The following CTNNA3 variants were observed in gnomAD, a reference collection of about 807,000 sequenced individuals.
CTNNA3 encodes catenin alpha-3.
In CTNNA3, 76 loss-of-function variants were observed where a neutral mutation model predicts 95.7. That is an observed-to-expected ratio of 0.79 (90% CI 0.66 to 0.96). The LOEUF (loss-of-function observed/expected upper bound fraction) is 0.96, where lower values mean the gene tolerates loss of function less well. CTNNA3 is among the 40% of genes least tolerant of loss of function. The pLI is 0.00. For synonymous variants in CTNNA3, 431 were observed against 374.4 expected, an observed-to-expected ratio of 1.15 and a Z score of -1.74; for missense variants, 1,191 against 1,089.8, an observed-to-expected ratio of 1.09 and a Z score of -1.31.
At chr10:66,720,414 A>G (rs1276616955) in intron 9 of CTNNA3, among the ~76,000 whole-genome samples, 1 of 152,208 alleles carries the variant, frequency 6.6e-6, no homozygotes, top group African/African-American at 2.4e-5. Context: ...CAACAAGTTG[A>G]TAGGGCCATT....
intron 7 of CTNNA3, among the ~76,000 whole-genome samples, chr10:67,053,178 A>C (rs1219678928): frequency 6.6e-6 from 1 of 152,192 alleles, no homozygotes; most frequent in African/African-American, 2.4e-5. Context: ...TAGAATATTA[A>C]GGTTTGGTCA....
At chr10:66,998,307 T>C (rs1851471905) in intron 7 of CTNNA3, among the ~76,000 whole-genome samples, 1 of 152,146 alleles carries the variant, frequency 6.6e-6, no homozygotes, top group Admixed American at 6.5e-5. Flanking sequence ...TAGTACTAGT[T>C]GCAGGAATAA....
intron 13 of CTNNA3, among the ~76,000 whole-genome samples, chr10:66,119,767 C>A (rs190434452): frequency 6.6e-6 from 1 of 152,024 alleles, no homozygotes; most frequent in African/African-American, 2.4e-5. Context: ...TAAATAAGCA[C>A]TCATTAATAT....
chr10:67,289,742 CAAAGG>C (rs1839755501), intron 5 of CTNNA3, among the ~76,000 whole-genome samples: 2 of 150,424 alleles, frequency 1.3e-5, no homozygotes, highest in Admixed American at 6.6e-5. Flanking sequence ...ATGGATCCAA[CAAAGG>C]AAGGATGGAT....
At chr10:65,931,741 T>C (rs1187539637) in intron 17 of CTNNA3, among the ~76,000 whole-genome samples, 1 of 152,210 alleles carries the variant, frequency 6.6e-6, no homozygotes, top group Non-Finnish European at 1.5e-5. Flanking sequence ...TAGAGTGTCT[T>C]ATAAAACACA....
At chr10:66,868,594 T>C (rs1441917930) in intron 7 of CTNNA3, among the ~76,000 whole-genome samples, 1 of 150,570 alleles carries the variant, frequency 6.6e-6, no homozygotes, top group Admixed American at 6.6e-5. Context: ...CTACTAAAAA[T>C]ACAAAAATTA....
At chr10:66,621,448 A>AC (rs1313681295) in intron 10 of CTNNA3, among the ~76,000 whole-genome samples, 3 of 151,872 alleles carry the variant, frequency 2.0e-5, no homozygotes, top group African/African-American at 7.3e-5. Flanking sequence ...ACATGGTGAA[A>AC]CCCCATCTCT....
At chr10:67,275,612 G>T (rs978177126) in intron 5 of CTNNA3, among the ~76,000 whole-genome samples, 2 of 151,752 alleles carry the variant, frequency 1.3e-5, no homozygotes, top group Non-Finnish European at 2.9e-5. Flanking sequence ...TTAATGAAAT[G>T]GAAAAAATCA....
intron 10 of CTNNA3, among the ~76,000 whole-genome samples, chr10:66,538,328 T>C (rs528516184): frequency 2.0e-5 from 3 of 152,256 alleles, no homozygotes; most frequent in African/African-American, 4.8e-5. Context: ...TTTCAGAGTC[T>C]TTCGGGTAAT....
intron 7 of CTNNA3, among the ~76,000 whole-genome samples, chr10:66,887,109 G>A (rs537852660): frequency 6.6e-6 from 1 of 152,138 alleles, no homozygotes; most frequent in Non-Finnish European, 1.5e-5. Flanking sequence ...CATCACACCA[G>A]GAGAGCTGTC....
At chr10:66,493,549 A>AT (rs1408535035) in intron 11 of CTNNA3, among the ~76,000 whole-genome samples, 1 of 148,884 alleles carries the variant, frequency 6.7e-6, no homozygotes, top group Non-Finnish European at 1.5e-5. Flanking sequence ...GGCACTTTTA[A>AT]TTTTTTTGTT....
Position 66,351,429 on chromosome 10 carries a change from G to C in CTNNA3, c.1732+27723C>G, listed in dbSNP as rs563023282. 1.2e-3 allele frequency among the ~76,000 whole-genome samples: 176 copies of C among 152,030 alleles called. 1 individual carries two copies. Among genetic ancestry groups the C allele is most frequent in the Middle Eastern group, 0.01 (3 of 294 alleles). ...TGAATGCAGACAATCTGATTCCTGAGTACCATTGTTAAATAGCAGATATTA... is the reference window on the plus strand; with the variant it reads ...TGAATGCAGACAATCTGATTCCTGACTACCATTGTTAAATAGCAGATATTA... On this transcript the variant is annotated intron_variant, in intron 12 of 17. Coordinates refer to ENST00000433211, the MANE Select transcript of CTNNA3 (RefSeq NM_013266.4).
chr10:67,359,734 T>C (rs1024594169), intron 5 of CTNNA3, among the ~76,000 whole-genome samples: 2 of 152,136 alleles, frequency 1.3e-5, no homozygotes, highest in Admixed American at 1.3e-4. Flanking sequence ...CTATGACTCA[T>C]TGGCTTTCTT....
intron 15 of CTNNA3, among the ~76,000 whole-genome samples, chr10:66,039,913 T>A (rs1460789511): frequency 1.3e-5 from 2 of 151,982 alleles, no homozygotes; most frequent in African/African-American, 4.8e-5. Context: ...CAAAACAAAC[T>A]AAGAACAGAA....
chr10:66,374,641 G>T lies in CTNNA3; in HGVS notation c.1732+4511C>A, dbSNP rs960846477. On this transcript the variant is annotated intron_variant, in intron 12 of 17. Transcript: ENST00000433211. ...TTTTTTTTTTTTTTTTTGAGACGGA[G>T]TCTCGCTCTGTCACCCCTGCTGGAG... is the stretch of plus-strand genomic sequence containing the variant. 6.3e-5 allele frequency among the ~76,000 whole-genome samples: 8 copies of T among 126,514 alleles called. No homozygotes were observed. In the Admixed American group the frequency reaches 6.6e-4, roughly 10 times the overall value. The allele number at this position is 126,514 out of a possible 152,430, so 83.0% of individuals were successfully genotyped here.
intron 3 of CTNNA3, among the ~76,000 whole-genome samples, chr10:67,596,546 C>T (rs1018715434): frequency 6.6e-6 from 1 of 152,140 alleles, no homozygotes; most frequent in African/African-American, 2.4e-5. Flanking sequence ...ATATGAACTT[C>T]CTGGTTGGAA....
intron 5 of CTNNA3, among the ~76,000 whole-genome samples, chr10:67,271,720 AT>A (rs1241482405): frequency 2.0e-5 from 3 of 152,330 alleles, no homozygotes; most frequent in Admixed American, 2.0e-4. Context: ...AGGGAAAAAA[AT>A]AATAGGCATC....
intron 5 of CTNNA3, among the ~76,000 whole-genome samples, chr10:67,295,454 A>G (rs1216149168): frequency 2.0e-5 from 3 of 152,024 alleles, no homozygotes; most frequent in African/African-American, 7.3e-5. Context: ...GCTTCATTTG[A>G]GTCACGTGGG....
intron 9 of CTNNA3, among the ~76,000 whole-genome samples, chr10:66,753,467 A>C (rs970204398): frequency 6.6e-6 from 1 of 152,126 alleles, no homozygotes; most frequent in Non-Finnish European, 1.5e-5. Context: ...GTTCAAAACC[A>C]GTCTGGCCAA....
Sources: allele counts gnomAD v4.1 joint callset (sites outside exome capture counted in the v4.1 genomes callset), GRCh38; gene constraint gnomAD v4.1.1; transcripts MANE v1.5; gene names NCBI Gene and HGNC (gene_info 2026-07-23, HGNC 2026-07-21).